CNTRL: variants seen among roughly 807,000 people sequenced by gnomAD.
CNTRL encodes centriolin.
In CNTRL, 233 loss-of-function variants were observed where a neutral mutation model predicts 303.7. The ratio of observed to expected loss-of-function variants is 0.77; its 90% confidence interval spans 0.69 to 0.86. The LOEUF (loss-of-function observed/expected upper bound fraction) is 0.86. Ranked by LOEUF, CNTRL falls within the 40% of genes least tolerant of loss-of-function variation. CNTRL has a pLI of 0.00. For missense variants in CNTRL, 2,524 were observed against 2,650.6 expected, an observed-to-expected ratio of 0.95 and a Z score of 1.05; for synonymous variants, 900 against 922.2, an observed-to-expected ratio of 0.98 and a Z score of 0.44.
At position 121,142,211 on chromosome 9, in the gene CNTRL, C is replaced by G. The variant is rs751166672; in HGVS notation, c.2812C>G (p.Gln938Glu). 6.8e-6 allele frequency: 11 copies of G among 1,612,148 alleles called. No homozygotes were observed. The highest frequency in any genetic ancestry group is 9.3e-6 in the Non-Finnish European group (11 of 1,179,416). ...CCAAGGCCTTACAGATCTCCAACTT[C>G]AGGAAGCTGATGAAGAGAAGGAGAG... ...EIQGLTDLQL[Q>E]EADEEKERIL... Residue 938 changes from glutamine to glutamate, a missense_variant, in exon 19 of 44, where the codon CAG becomes GAG. Transcript: ENST00000373855.
chr9:121,115,270 T>C (rs2049927668), intron 11 of CNTRL, 70 bp downstream of exon 11: 1 of 801,508 alleles, frequency 1.2e-6, no homozygotes, highest in African/African-American at 1.8e-5. Flanking sequence ...TTCATAACCA[T>C]ATAAAACAAT....
At chr9:121,128,419 G>C (rs972112771) in intron 14 of CNTRL, among the ~76,000 whole-genome samples, 1 of 152,114 alleles carries the variant, frequency 6.6e-6, no homozygotes, top group African/African-American at 2.4e-5. Flanking sequence ...TTTTTCATGT[G>C]TCTGTTGGCT....
At chr9:121,130,779 A>G (rs984476328) in intron 14 of CNTRL, among the ~76,000 whole-genome samples, 1 of 152,164 alleles carries the variant, frequency 6.6e-6, no homozygotes, top group African/African-American at 2.4e-5. Flanking sequence ...AGTGCTATAC[A>G]TTTCCCTTTA....
intron 26 of CNTRL, 50 bp from the exon 27 acceptor site, chr9:121,154,671 G>C (rs761430255): frequency 8.9e-7 from 1 of 1,120,410 alleles, no homozygotes; most frequent in Admixed American, 1.9e-5. Context: ...ACAAGTATCT[G>C]TATTGTCTAC....
At chr9:121,101,823 C>T (rs1236287478) in intron 7 of CNTRL, among the ~76,000 whole-genome samples, 1 of 152,144 alleles carries the variant, frequency 6.6e-6, no homozygotes, top group Non-Finnish European at 1.5e-5. Context: ...AATTCCTGGA[C>T]ACATACACCC....
chr9:121,118,921 T>C (rs4837810), intron 12 of CNTRL, among the ~76,000 whole-genome samples: 77,862 of 152,082 alleles, frequency 0.51, 21,890 homozygotes, highest in South Asian at 0.8. Context: ...AATACAAATA[T>C]TATGCTATTT....
At chr9:121,158,778 A>G (rs1041925101) in intron 30 of CNTRL, 77 bp from the exon 31 acceptor site, 2 of 1,372,356 alleles carry the variant, frequency 1.5e-6, no homozygotes, top group African/African-American at 2.9e-5. Flanking sequence ...TTTACCTCAC[A>G]ACTAAATTAT....
intron 42 of CNTRL, among the ~76,000 whole-genome samples, 198 bp downstream of exon 42, chr9:121,173,935 CTT>C (rs1051940092): frequency 6.6e-6 from 1 of 152,126 alleles, no homozygotes; most frequent in Non-Finnish European, 1.5e-5. Flanking sequence ...ACCATGACTT[CTT>C]GTGTTGACTC....
intron 39 of CNTRL, 133 bp from the exon 40 acceptor site, chr9:121,171,275 T>G (rs1211467096): frequency 1.1e-6 from 1 of 910,250 alleles, no homozygotes; most frequent in Non-Finnish European, 1.8e-6. Context: ...GCCGATAGAA[T>G]TATCCCCATT....
Position 121,158,729 on chromosome 9 carries a change from C to T in CNTRL, c.4765-126C>T, listed in dbSNP as rs1159650290. The stretch of plus-strand genomic sequence containing the variant: ...TTTCACCCTTGCACTCCTTGCCTGG[C>T]TTTTCTGACTCTTGGGGGCTAGGAT... On this transcript the variant is annotated intron_variant, in intron 30 of 43. Transcript: ENST00000373855. The T allele has an allele frequency of 3.2e-6, 3 of 928,144 alleles. No homozygotes were observed. The African/African-American group carries it at 5.0e-5, about 15-fold the overall frequency. 57.5% of individuals were successfully genotyped at this position (928,144 alleles called of 1,614,324 possible).
intron 7 of CNTRL, among the ~76,000 whole-genome samples, chr9:121,104,474 T>C (rs566610607): frequency 2.6e-5 from 4 of 152,068 alleles, no homozygotes; most frequent in Non-Finnish European, 5.9e-5. Flanking sequence ...TGTATACATA[T>C]GTAACCTGCA....
At chr9:121,089,929 A>G (rs1019960309) in intron 3 of CNTRL, among the ~76,000 whole-genome samples, 7 of 152,178 alleles carry the variant, frequency 4.6e-5, no homozygotes, top group Admixed American at 4.6e-4. Flanking sequence ...AGCTTGGCAC[A>G]CACCAAATAT....
chr9:121,172,817 C>T (rs1456296010), intron 40 of CNTRL, among the ~76,000 whole-genome samples: 2 of 152,172 alleles, frequency 1.3e-5, no homozygotes, highest in East Asian at 3.8e-4. Context: ...TGAGGTGCTT[C>T]ATGTAAATTC....
intron 7 of CNTRL, 97 bp downstream of exon 7, chr9:121,098,669 T>A: frequency 1.3e-6 from 1 of 795,966 alleles, no homozygotes; most frequent in Non-Finnish European, 2.0e-6. Flanking sequence ...ATAATGCTAT[T>A]AAAATGTACA....
At chr9:121,150,711 T>C (rs1047052311) in intron 25 of CNTRL, 4 of 497,030 alleles carry the variant, frequency 8.0e-6, no homozygotes, top group African/African-American at 2.0e-5. Context: ...AGAGGATTGC[T>C]TGAGCCTAGG....
In CNTRL at chr9:121,108,090, T is replaced by C. The variant is rs574280275; in HGVS notation, c.1002+95T>C. 1.7e-5 allele frequency: 13 copies of C among 747,184 alleles called. No homozygotes were observed. The African/African-American group carries it at 2.2e-4, about 12-fold the overall frequency. 46.3% of individuals were successfully genotyped at this position (747,184 alleles called of 1,614,324 possible). ...AAAATACAACTTCCTGACCATATAA[T>C]GGGGAAGATGTGGTTTAACAGAAAT... On this transcript the variant is annotated intron_variant, in intron 8 of 43. Coordinates refer to ENST00000373855, the MANE Select transcript of CNTRL (RefSeq NM_007018.6).
chr9:121,157,940 C>T lies in CNTRL; in HGVS notation c.4638-43C>T, dbSNP rs369121805. 6.8e-5 allele frequency: 109 copies of T among 1,613,750 alleles called. No individual in the cohort carries two copies. In the African/African-American group the frequency reaches 1.1e-3, roughly 16 times the overall value. On this transcript the variant is annotated intron_variant, in intron 29 of 43. Transcript: ENST00000373855. ...GTGCTGGAAGACAGCTCTGGGGTTC[C>T]GAGTCCCTTAGGATCTGCTCTAGTG... is the stretch of plus-strand genomic sequence containing the variant.
intron 12 of CNTRL, among the ~76,000 whole-genome samples, chr9:121,122,676 T>A (rs1232228198): frequency 6.6e-6 from 1 of 152,198 alleles, no homozygotes. Flanking sequence ...GACATGCAAG[T>A]CATTTGATGG....
chr9:121,104,306 A>G (rs1376754765), intron 7 of CNTRL, among the ~76,000 whole-genome samples: 1 of 152,210 alleles, frequency 6.6e-6, no homozygotes, highest in Non-Finnish European at 1.5e-5. Flanking sequence ...GTTCTCACTC[A>G]TAGGTGGGAA....
Sources: gnomAD v4.1 joint callset for allele counts (sites outside exome capture counted in the v4.1 genomes callset) on GRCh38, gnomAD v4.1.1 for gene constraint, MANE v1.5 for transcripts, NCBI Gene and HGNC (gene_info 2026-07-23, HGNC 2026-07-21) for gene names.